The following PTPRM variants were observed in gnomAD, a reference collection of about 807,000 sequenced individuals.
PTPRM encodes protein tyrosine phosphatase receptor type M.
In PTPRM, 47 loss-of-function variants were observed where a neutral mutation model predicts 186.7. The observed-to-expected ratio is 0.25, with a 90% CI of 0.20 to 0.32. The LOEUF (loss-of-function observed/expected upper bound fraction) is 0.32. Among genes scored for constraint, PTPRM ranks in the 10% least tolerant of loss-of-function variants. PTPRM has a pLI of 1.00. For missense variants in PTPRM, 1,494 were observed against 1,865.0 expected (o/e 0.80, Z 3.66); for synonymous variants, 668 against 674.9 (o/e 0.99, Z 0.16).
intron 2 of PTPRM, among the ~76,000 whole-genome samples, chr18:7,813,457 C>T (rs2044637156): frequency 6.6e-6 from 1 of 152,172 alleles, no homozygotes; most frequent in Non-Finnish European, 1.5e-5. Flanking sequence ...TTTAATGCAA[C>T]ATTCTTGGTA....
chr18:8,238,054 T>C (rs1047488600), intron 14 of PTPRM, among the ~76,000 whole-genome samples: 2 of 152,208 alleles, frequency 1.3e-5, no homozygotes, highest in African/African-American at 4.8e-5. Flanking sequence ...TTCTTTGAGC[T>C]TCCTGGATCT....
At chr18:7,622,197 A>G (rs1407223108) in intron 1 of PTPRM, among the ~76,000 whole-genome samples, 4 of 152,236 alleles carry the variant, frequency 2.6e-5, no homozygotes, top group Non-Finnish European at 5.9e-5. Flanking sequence ...TTGAATTTTT[A>G]TAAATAATAA....
At chr18:7,783,029 G>A (rs1051353681) in intron 2 of PTPRM, among the ~76,000 whole-genome samples, 8 of 152,130 alleles carry the variant, frequency 5.3e-5, no homozygotes, top group Non-Finnish European at 1.0e-4. Flanking sequence ...TAAATAATGT[G>A]TTTTAATAGT....
At chr18:8,306,739 G>A (rs140558446) in intron 20 of PTPRM, among the ~76,000 whole-genome samples, 1 of 152,288 alleles carries the variant, frequency 6.6e-6, no homozygotes, top group East Asian at 1.9e-4. Flanking sequence ...CAGCTGGTAA[G>A]CCTTCAAAAC....
At chr18:7,720,962 T>C (rs1272296372) in intron 1 of PTPRM, among the ~76,000 whole-genome samples, 1 of 152,130 alleles carries the variant, frequency 6.6e-6, no homozygotes, top group Admixed American at 6.6e-5. Context: ...CTCAGGACCA[T>C]GCTTTGAATT....
chr18:7,869,248 A>G (rs2047866079), intron 2 of PTPRM, among the ~76,000 whole-genome samples: 1 of 152,072 alleles, frequency 6.6e-6, no homozygotes, highest in Admixed American at 6.5e-5. Context: ...GGGGTATGAA[A>G]CAAAACTCCT....
At chr18:7,929,151 A>G (rs1371731083) in intron 5 of PTPRM, among the ~76,000 whole-genome samples, 1 of 152,162 alleles carries the variant, frequency 6.6e-6, no homozygotes, top group Non-Finnish European at 1.5e-5. Flanking sequence ...GTGTGCACCC[A>G]GGGTTGGAAA....
intron 23 of PTPRM, chr18:8,364,817 C>A (rs1231966083): frequency 2.6e-5 from 4 of 152,168 alleles, no homozygotes; most frequent in Non-Finnish European, 4.4e-5. Flanking sequence ...ATGGTGCCCC[C>A]AACTTAAGAG....
At position 8,171,233 on chromosome 18, in the gene PTPRM, A is replaced by G. The variant is rs138633229; in HGVS notation, c.2300+27454A>G. Among the ~76,000 whole-genome samples the G allele has an allele frequency of 3.6e-3, 546 of 152,332 alleles. 5 individuals are homozygous for G. Among genetic ancestry groups the G allele is most frequent in the East Asian group, 0.032 (167 of 5,182 alleles). ...AGTGTTTACTGTCTGAGGAAGGCTTATAAAGGTTATGCTTCTTGCATCCAG... is the reference window on the plus strand; with the variant it reads ...AGTGTTTACTGTCTGAGGAAGGCTTGTAAAGGTTATGCTTCTTGCATCCAG... On this transcript the variant is annotated intron_variant, in intron 14 of 32. Transcript: ENST00000580170.
At chr18:8,148,217 G>T (rs540994676) in intron 14 of PTPRM, among the ~76,000 whole-genome samples, 1 of 152,240 alleles carries the variant, frequency 6.6e-6, no homozygotes, top group East Asian at 1.9e-4. Flanking sequence ...AGTTTGAGAA[G>T]GCATGGTACC....
At chr18:7,848,422 T>G (rs2046704163) in intron 2 of PTPRM, among the ~76,000 whole-genome samples, 1 of 152,196 alleles carries the variant, frequency 6.6e-6, no homozygotes, top group African/African-American at 2.4e-5. Flanking sequence ...AAATGTGCTT[T>G]GCTGTCATTT....
intron 2 of PTPRM, among the ~76,000 whole-genome samples, chr18:7,840,996 C>T (rs2046293722): frequency 6.6e-6 from 1 of 152,126 alleles, no homozygotes; most frequent in Non-Finnish European, 1.5e-5. Flanking sequence ...ATAGAAGTAA[C>T]TGGAGAAGCT....
At chr18:7,840,897 G>A (rs1259861944) in intron 2 of PTPRM, among the ~76,000 whole-genome samples, 1 of 152,184 alleles carries the variant, frequency 6.6e-6, no homozygotes, top group African/African-American at 2.4e-5. Flanking sequence ...TGGAAGTTTG[G>A]TAGTGTAAGA....
intron 14 of PTPRM, among the ~76,000 whole-genome samples, chr18:8,238,651 G>GTTTTTTTGTT (rs2094376418): frequency 3.9e-5 from 1 of 25,758 alleles, no homozygotes; most frequent in Admixed American, 5.7e-4. Context: ...TGTTTTGTGT[G>GTTTTTTTGTT]TTTTTTTTTT....
intron 19 of PTPRM, chr18:8,270,097 A>G (rs897460597): frequency 2.0e-5 from 3 of 152,124 alleles, no homozygotes; most frequent in African/African-American, 7.2e-5. Context: ...ATATCAAAGT[A>G]CAAAACTTCT....
At chr18:8,122,577 T>A (rs540678866) in intron 13 of PTPRM, among the ~76,000 whole-genome samples, 1 of 152,376 alleles carries the variant, frequency 6.6e-6, no homozygotes, top group South Asian at 2.1e-4. Flanking sequence ...TCTAGACTAA[T>A]GTTATATAGA....
At chr18:7,888,024 C>T in intron 2 of PTPRM, 82 bp from the exon 3 acceptor site, 3 of 1,542,812 alleles carry the variant, frequency 1.9e-6, no homozygotes, top group Non-Finnish European at 2.7e-6. Flanking sequence ...CAGTGCCAAC[C>T]CATGTAAATG....
At chr18:7,822,566 T>A (rs2045256124) in intron 2 of PTPRM, among the ~76,000 whole-genome samples, 1 of 152,232 alleles carries the variant, frequency 6.6e-6, no homozygotes, top group Admixed American at 6.5e-5. Flanking sequence ...TCAGGCTCTT[T>A]GATGTGTTCT....
intron 14 of PTPRM, among the ~76,000 whole-genome samples, chr18:8,178,341 TTCTCCCTCCAA>T (rs2093517830): frequency 6.6e-6 from 1 of 152,206 alleles, no homozygotes; most frequent in Non-Finnish European, 1.5e-5. Flanking sequence ...AACACAATTT[TTCTCCCTCCAA>T]TCTCCATTTT....
Sources: allele counts gnomAD v4.1 joint callset (sites outside exome capture counted in the v4.1 genomes callset), GRCh38; gene constraint gnomAD v4.1.1; transcripts MANE v1.5; gene names NCBI Gene and HGNC (gene_info 2026-07-23, HGNC 2026-07-21).